The following ADAMTSL1 variants were observed in gnomAD, a reference collection of about 807,000 sequenced individuals.
The protein encoded by ADAMTSL1 is ADAMTS like 1.
In ADAMTSL1, 126 loss-of-function variants were observed where a neutral mutation model predicts 201.8. The ratio of observed to expected loss-of-function variants is 0.62; its 90% CI spans 0.54 to 0.72. ADAMTSL1 has a LOEUF of 0.72. Ranked by LOEUF, ADAMTSL1 falls within the 30% of genes least tolerant of loss-of-function variation. ADAMTSL1 has a pLI of 0.00. For missense variants in ADAMTSL1, 2,679 were observed against 2,277.8 expected (o/e 1.18, Z -3.59); for synonymous variants, 1,121 against 903.4 (o/e 1.24, Z -4.32).
In ADAMTSL1 at chr9:18,257,826, A is replaced by G. The variant is rs142414587; in HGVS notation, c.207+93845A>G. ...GGTCATAAAAAGAAATGATTCTGATAGAGTTATAATGAATCTTACAAATAT... is the reference window on the plus strand; with the variant it reads ...GGTCATAAAAAGAAATGATTCTGATGGAGTTATAATGAATCTTACAAATAT... On this transcript the variant is annotated intron_variant, in intron 2 of 29. Coordinates refer to the ADAMTSL1 transcript ENST00000680146. 5.1e-3 allele frequency among the ~76,000 whole-genome samples: 776 copies of G among 152,358 alleles called. 7 individuals carry two copies. The highest frequency in any genetic ancestry group is 0.018 in the African/African-American group (730 of 41,576).
At chr9:18,273,304 C>T (rs79384349) in intron 2 of ADAMTSL1, among the ~76,000 whole-genome samples, 3 of 151,822 alleles carry the variant, frequency 2.0e-5, no homozygotes, top group Non-Finnish European at 4.4e-5. Context: ...TAGTCTCAAA[C>T]TCCCAACCTC....
At chr9:18,231,868 A>C (rs1488459132) in intron 2 of ADAMTSL1, among the ~76,000 whole-genome samples, 1 of 152,114 alleles carries the variant, frequency 6.6e-6, no homozygotes, top group African/African-American at 2.4e-5. Flanking sequence ...CCACCTTCAG[A>C]ATCTACCCTC....
chr9:18,645,601 A>C (rs958715435), intron 7 of ADAMTSL1, among the ~76,000 whole-genome samples: 1 of 151,904 alleles, frequency 6.6e-6, no homozygotes, highest in Non-Finnish European at 1.5e-5. Context: ...TCAGCTTTCT[A>C]CGTGTGGCTA....
At chr9:18,413,429 T>A (rs1197298591) in intron 2 of ADAMTSL1, among the ~76,000 whole-genome samples, 1 of 152,178 alleles carries the variant, frequency 6.6e-6, no homozygotes, top group Non-Finnish European at 1.5e-5. Context: ...CCTCCCAAAC[T>A]GGTGGGATAA....
chr9:18,739,897 A>ATGTGTGTGTG lies in ADAMTSL1; in HGVS notation c.2007-13400_2007-13399insGTGTGTGTGT, dbSNP rs1277770563. Among the ~76,000 whole-genome samples, 399 of 98,376 alleles carry ATGTGTGTGTG rather than the reference A, an allele frequency of 4.1e-3. 3 individuals carry two copies. Among genetic ancestry groups the ATGTGTGTGTG allele is most frequent in the African/African-American group, 0.015 (384 of 25,504 alleles). The allele number at this position is 98,376 out of a possible 152,430, so 64.5% of individuals were successfully genotyped here. A position where few individuals can be genotyped will look rare whatever the true frequency, so the allele number is the denominator to read the frequency against. On this transcript the variant is annotated intron_variant, in intron 15 of 28. Coordinates refer to ENST00000380548, the MANE Select transcript of ADAMTSL1 (RefSeq NM_001040272.6). ...GTGTATATGTGTGTACATGTCTACTATCTGTGTGTGTGTGTGTGTGTGTGT... is the reference window on the plus strand; with the variant it reads ...GTGTATATGTGTGTACATGTCTACTATGTGTGTGTGTCTGTGTGTGTGTGTGTGTGTGTGT...
chr9:18,355,608 A>G lies in ADAMTSL1; in HGVS notation c.208-149221A>G, dbSNP rs371059578. ...CATTCTGTTTCAGACTAGTCCATGA[A>G]TATTCCCCAAAGGGAATGTTAAAAG... On this transcript the variant is annotated intron_variant, in intron 2 of 29. Transcript: ENST00000680146. Among the ~76,000 whole-genome samples the G allele has an allele frequency of 2.0e-4, 31 of 152,372 alleles. No homozygotes were observed. The South Asian group carries it at 6.2e-3, about 31-fold the overall frequency.
At chr9:18,165,223 G>A (rs1401020117) in intron 2 of ADAMTSL1, among the ~76,000 whole-genome samples, 6 of 151,680 alleles carry the variant, frequency 4.0e-5, no homozygotes, top group Admixed American at 2.6e-4. Flanking sequence ...GCTGTTATGC[G>A]AAATCTGAAA....
At position 18,826,459 on chromosome 9, in the gene ADAMTSL1, C is replaced by G. The variant is rs1452295717; in HGVS notation, c.4110C>G (p.Ile1370Met). ...TGACTGAGAGCACCCAGCTGCTGAT[C>G]CTAGGTAAACACTTCAAAGCTGGCT... ...GELTESTQLL[I>M]LDPPQVPTQL... The change falls in exon 22 of 29, where the codon ATC becomes ATG. Residue 1370 changes from isoleucine to methionine, a missense_variant. By Grantham distance (10) the Ile-to-Met change is conservative. Coordinates refer to ENST00000380548, the MANE Select transcript of ADAMTSL1 (RefSeq NM_001040272.6). The G allele has an allele frequency of 1.9e-6, 3 of 1,612,082 alleles. No homozygotes were observed. Among genetic ancestry groups the G allele is most frequent in the African/African-American group, 2.7e-5 (2 of 74,898 alleles).
At chr9:18,147,137 G>C (rs1390959175) in intron 1 of ADAMTSL1, among the ~76,000 whole-genome samples, 2 of 152,132 alleles carry the variant, frequency 1.3e-5, no homozygotes, top group East Asian at 3.9e-4. Context: ...CCATTGGTCA[G>C]GGTACGTAAC....
intron 1 of ADAMTSL1, among the ~76,000 whole-genome samples, chr9:18,149,338 A>G (rs997821955): frequency 6.6e-6 from 1 of 152,078 alleles, no homozygotes; most frequent in Non-Finnish European, 1.5e-5. Flanking sequence ...AAGCCATCCA[A>G]TGTTGCTAAA....
At chr9:18,243,522 C>T (rs1831144944) in intron 2 of ADAMTSL1, among the ~76,000 whole-genome samples, 1 of 151,918 alleles carries the variant, frequency 6.6e-6, no homozygotes, top group African/African-American at 2.4e-5. Context: ...AAAACTCTTT[C>T]CTCCCTCAGC....
chr9:18,731,621 A>AT (rs1233784240), intron 15 of ADAMTSL1, among the ~76,000 whole-genome samples: 1 of 152,184 alleles, frequency 6.6e-6, no homozygotes, highest in Non-Finnish European at 1.5e-5. Context: ...AAGAAAAAAA[A>AT]GGAAGAAAAA....
At chr9:18,021,356 T>A (rs1277637416) in intron 1 of ADAMTSL1, among the ~76,000 whole-genome samples, 1 of 152,194 alleles carries the variant, frequency 6.6e-6, no homozygotes, top group South Asian at 2.1e-4. Context: ...GAAAAACTCC[T>A]TAACAGAATA....
At chr9:18,489,726 C>A (rs1036834974) in intron 1 of ADAMTSL1, among the ~76,000 whole-genome samples, 3 of 152,036 alleles carry the variant, frequency 2.0e-5, no homozygotes, top group Non-Finnish European at 4.4e-5. Context: ...AGTATTTGGT[C>A]ATATTTCCCA....
chr9:18,712,563 G>A (rs1832681758), intron 14 of ADAMTSL1, among the ~76,000 whole-genome samples: 1 of 152,142 alleles, frequency 6.6e-6, no homozygotes, highest in African/African-American at 2.4e-5. Context: ...AGAATCAAAA[G>A]AAATGAGCAA....
intron 2 of ADAMTSL1, among the ~76,000 whole-genome samples, chr9:18,509,562 G>A (rs1817909072): frequency 6.6e-6 from 1 of 152,302 alleles, no homozygotes; most frequent in South Asian, 2.1e-4. Flanking sequence ...ATCTAGACTG[G>A]CTTCATCTGG....
At chr9:18,059,055 A>G (rs999426705) in intron 1 of ADAMTSL1, among the ~76,000 whole-genome samples, 1 of 152,238 alleles carries the variant, frequency 6.6e-6, no homozygotes, top group Non-Finnish European at 1.5e-5. Flanking sequence ...AACCTCTGTT[A>G]CTTTGGTCCT....
Position 18,478,577 on chromosome 9 carries a change from A to G in ADAMTSL1, c.63+4282A>G, listed in dbSNP as rs905671957. 2.0e-5 allele frequency among the ~76,000 whole-genome samples: 3 copies of G among 152,110 alleles called. No individual in the cohort carries two copies. The East Asian group carries it at 5.8e-4, about 29-fold the overall frequency. On this transcript the variant is annotated intron_variant, in intron 1 of 28. Transcript: ENST00000380548. Reference sequence around the variant, plus strand: ...CAAGTGACAGCTCTGCTTTTAATTCATGTATCTTCCAGTTTCCAGGAATGA... The same window carrying G: ...CAAGTGACAGCTCTGCTTTTAATTCGTGTATCTTCCAGTTTCCAGGAATGA...
At chr9:18,144,361 A>C (rs1199876306) in intron 1 of ADAMTSL1, among the ~76,000 whole-genome samples, 3 of 151,870 alleles carry the variant, frequency 2.0e-5, no homozygotes, top group Non-Finnish European at 4.4e-5. Flanking sequence ...GCCCACCATC[A>C]AACCTGGCTA....
Sources: gnomAD v4.1 joint callset for allele counts (sites outside exome capture counted in the v4.1 genomes callset) on GRCh38, gnomAD v4.1.1 for gene constraint, MANE v1.5 for transcripts, NCBI Gene and HGNC (gene_info 2026-07-23, HGNC 2026-07-21) for gene names.